The following NPSR1 variants were observed in gnomAD, a reference collection of about 807,000 sequenced individuals.
NPSR1 encodes neuropeptide S receptor.
In NPSR1, 48 loss-of-function variants were observed where a neutral mutation model predicts 46.9. The observed-to-expected ratio is 1.02, with a 90% CI of 0.81 to 1.30. The LOEUF (loss-of-function observed/expected upper bound fraction) is 1.30, where lower values mean the gene tolerates loss of function less well. NPSR1 is among the 50% of genes most tolerant of loss of function. NPSR1 has a pLI of 0.00. For missense variants in NPSR1, 450 were observed against 449.5 expected (o/e 1.00, Z -0.01); for synonymous variants, 176 against 168.1 (o/e 1.05, Z -0.36).
At chr7:34,713,907 T>C (rs565749430) in intron 2 of NPSR1, among the ~76,000 whole-genome samples, 74 of 152,250 alleles carry the variant, frequency 4.9e-4, no homozygotes, top group African/African-American at 1.7e-3. Flanking sequence ...CACATGAACA[T>C]GTGTCCTTGT....
At chr7:34,682,841 A>G (rs1792715215) in intron 1 of NPSR1, among the ~76,000 whole-genome samples, 1 of 152,212 alleles carries the variant, frequency 6.6e-6, no homozygotes, top group African/African-American at 2.4e-5. Flanking sequence ...CCCTCTAGTC[A>G]TCAAAGAACC....
intron 2 of NPSR1, chr7:34,685,633 CT>C: frequency 2.7e-6 from 1 of 377,346 alleles, no homozygotes; most frequent in South Asian, 1.9e-5. Context: ...TAGTGGAGCT[CT>C]TTAGAATTTA....
intron 3 of NPSR1, among the ~76,000 whole-genome samples, chr7:34,789,162 G>C (rs1251265112): frequency 2.6e-5 from 4 of 151,516 alleles, no homozygotes; most frequent in African/African-American, 9.7e-5. Flanking sequence ...GTCTAAGAGG[G>C]GAGTTTATAC....
chr7:34,789,470 C>T (rs993132852), intron 3 of NPSR1, among the ~76,000 whole-genome samples: 1 of 146,414 alleles, frequency 6.8e-6, no homozygotes, highest in African/African-American at 2.4e-5. Context: ...ACCATAGAAA[C>T]AAAAAGCATC....
intron 2 of NPSR1, among the ~76,000 whole-genome samples, chr7:34,733,281 A>G (rs1040051077): frequency 6.6e-6 from 1 of 152,098 alleles, no homozygotes. Flanking sequence ...TTAGCCGGGC[A>G]CGATGGCGGT....
At chr7:34,780,469 A>C (rs1787181381) in intron 3 of NPSR1, among the ~76,000 whole-genome samples, 1 of 152,198 alleles carries the variant, frequency 6.6e-6, no homozygotes, top group Admixed American at 6.6e-5. Flanking sequence ...AATTCTGATA[A>C]TTCTCTCTTC....
chr7:34,701,681 T>A (rs537684838), intron 2 of NPSR1, among the ~76,000 whole-genome samples: 1 of 152,324 alleles, frequency 6.6e-6, no homozygotes, highest in South Asian at 2.1e-4. Flanking sequence ...AAGATTCAAC[T>A]GACATCAGCA....
intron 3 of NPSR1, among the ~76,000 whole-genome samples, chr7:34,790,793 T>TAG: frequency 9.1e-6 from 1 of 109,954 alleles, no homozygotes; most frequent in East Asian, 2.7e-4. Context: ...GTTATATATA[T>TAG]GTTATAGGTT....
intron 2 of NPSR1, among the ~76,000 whole-genome samples, chr7:34,754,976 T>TAAATAATA (rs61505497): frequency 0.48 from 73,439 of 151,484 alleles, 17,983 homozygotes; most frequent in East Asian, 0.56. Context: ...TTTTTATGGC[T>TAAATAATA]AAATAATATT....
intron 5 of NPSR1, among the ~76,000 whole-genome samples, chr7:34,828,668 T>C (rs975329234): frequency 6.6e-6 from 1 of 152,186 alleles, no homozygotes; most frequent in Non-Finnish European, 1.5e-5. Flanking sequence ...TTTTTGATAG[T>C]GTAAAGAGAG....
In NPSR1 at chr7:34,658,325, C is replaced by T. The variant is rs1481382776; in HGVS notation, c.-88C>T. ...TCTGTGCCTCCGTTCAGCAGAGCTG[C>T]AGCTGCTGCCCAGCTCTCAGGAGGC... is the stretch of plus-strand genomic sequence containing the variant. On this transcript the variant is annotated 5_prime_UTR_variant, in exon 1 of 9. Transcript: ENST00000360581. 4 of 1,447,872 alleles carry T rather than the reference C, an allele frequency of 2.8e-6. No homozygotes were observed. The highest frequency in any genetic ancestry group is 3.8e-6 in the Non-Finnish European group (4 of 1,049,048). 89.7% of individuals were successfully genotyped at this position (1,447,872 alleles called of 1,614,324 possible).
At chr7:34,833,688 G>T (rs1306190792) in intron 5 of NPSR1, among the ~76,000 whole-genome samples, 2 of 152,150 alleles carry the variant, frequency 1.3e-5, no homozygotes, top group Non-Finnish European at 2.9e-5. Flanking sequence ...GGCTTAACCG[G>T]GTCCTCTGCT....
At chr7:34,693,217 C>A (rs187324980) in intron 2 of NPSR1, among the ~76,000 whole-genome samples, 87 of 152,250 alleles carry the variant, frequency 5.7e-4, no homozygotes, top group African/African-American at 2.0e-3. Flanking sequence ...GCACAGCCTG[C>A]AGAACTATGA....
chr7:34,799,590 C>T (rs897226580), intron 3 of NPSR1, among the ~76,000 whole-genome samples: 32 of 150,030 alleles, frequency 2.1e-4, no homozygotes, highest in African/African-American at 4.7e-4. Context: ...AAGGAACAAC[C>T]GGTACCAGCC....
At chr7:34,834,570 T>C (rs1295582508) in intron 6 of NPSR1, 110 bp downstream of exon 6, 2 of 804,988 alleles carry the variant, frequency 2.5e-6, no homozygotes, top group Non-Finnish European at 4.3e-6. Flanking sequence ...TACAGGATCA[T>C]ATCAGGACCC....
At chr7:34,819,615 C>T (rs1376567684) in intron 4 of NPSR1, among the ~76,000 whole-genome samples, 2 of 152,138 alleles carry the variant, frequency 1.3e-5, no homozygotes, top group Non-Finnish European at 2.9e-5. Context: ...CACATGCACA[C>T]GTATGTTTAT....
At chr7:34,781,210 T>C (rs901426869) in intron 3 of NPSR1, among the ~76,000 whole-genome samples, 1 of 152,102 alleles carries the variant, frequency 6.6e-6, no homozygotes, top group Non-Finnish European at 1.5e-5. Context: ...GCTCCAACAT[T>C]CACACAGACT....
chr7:34,768,267 C>G (rs1260043121), intron 2 of NPSR1: 2 of 152,186 alleles, frequency 1.3e-5, no homozygotes, highest in African/African-American at 2.4e-5. Flanking sequence ...AATTCTACAT[C>G]TAGCAAAAAT....
rs571166153 is a variant in NPSR1, at chr7:34,749,125, A to T, written c.281-29337A>T. Among the ~76,000 whole-genome samples, 3 of 152,006 alleles carry T rather than the reference A, an allele frequency of 2.0e-5. No homozygotes were observed. The South Asian group carries it at 6.2e-4, about 32-fold the overall frequency. On this transcript the variant is annotated intron_variant, in intron 2 of 8. Transcript: ENST00000360581. Reference sequence around the variant, plus strand: ...TCTTCTCCCAAATAAATAATACCTGATTCTCCCTCTGCAATGTTCATGACC... The same window carrying T: ...TCTTCTCCCAAATAAATAATACCTGTTTCTCCCTCTGCAATGTTCATGACC...
Sources: gnomAD v4.1 joint callset for allele counts (sites outside exome capture counted in the v4.1 genomes callset) on GRCh38, gnomAD v4.1.1 for gene constraint, MANE v1.5 for transcripts, NCBI Gene and HGNC (gene_info 2026-07-23, HGNC 2026-07-21) for gene names.